Variants in PLG observed in about 807,000 individuals in gnomAD.
PLG encodes the protein plasmin.
In PLG, 41 loss-of-function variants were observed where a neutral mutation model predicts 104.4. That is an observed-to-expected ratio of 0.39 (90% CI 0.31 to 0.51). PLG has a LOEUF of 0.51. Among genes scored for constraint, PLG ranks in the 20% least tolerant of loss-of-function variants. The pLI is 0.76. For missense variants in PLG, 891 were observed against 1,003.6 expected (o/e 0.89, Z 1.52); for synonymous variants, 337 against 357.1 (o/e 0.94, Z 0.63).
At chr6:160,711,435 A>T in intron 4 of PLG, 4 of 790,880 alleles carry the variant, frequency 5.1e-6, no homozygotes, top group Non-Finnish European at 8.0e-6. Context: ...TTTTATTGTC[A>T]TATTGTTATT....
In PLG at chr6:160,724,717, G is replaced by A. The variant is rs1469967635; in HGVS notation, c.1256+2150G>A. On this transcript the variant is annotated intron_variant, in intron 10 of 18. Transcript: ENST00000308192. The surrounding 1 kb of genome is among the most constrained non-coding windows in gnomAD (Gnocchi z 5.0). The stretch of plus-strand genomic sequence containing the variant: ...GAAAAAAATAAAAAAGATTAACATA[G>A]AATGTTATATCCAGCAAAAATATCC... Among the ~76,000 whole-genome samples the A allele has an allele frequency of 7.9e-5, 12 of 152,014 alleles. No individual in the cohort carries two copies. The highest frequency in any genetic ancestry group is 1.8e-4 in the Non-Finnish European group (12 of 67,982).
Position 160,713,115 on chromosome 6 carries a change from T to G in PLG, c.537T>G (p.Leu179=). ...PEKRYDYCDI[L]ECEEECMHCS... ...AGAGATATGACTACTGCGACATTCT[T>G]GAGTGTGAAGGTCAGGAGTGGTTCT... Residue 179 remains leucine (L), a synonymous_variant, in exon 5 of 19, where the codon CTT becomes CTG. Coordinates refer to ENST00000308192, the MANE Select transcript of PLG (RefSeq NM_000301.5). The G allele has an allele frequency of 6.2e-7, 1 of 1,610,600 alleles. No individual in the cohort carries two copies. Among genetic ancestry groups the G allele is most frequent in the Non-Finnish European group, 8.5e-7 (1 of 1,178,572 alleles).
At chr6:160,713,360 T>C in intron 5 of PLG, 1 of 455,988 alleles carries the variant, frequency 2.2e-6, no homozygotes, top group Non-Finnish European at 4.1e-6. Context: ...AACCTCCGCC[T>C]CCGGGTTCAA....
At chr6:160,733,129 G>T (rs1778025561) in intron 12 of PLG, among the ~76,000 whole-genome samples, 1 of 152,164 alleles carries the variant, frequency 6.6e-6, no homozygotes, top group Admixed American at 6.5e-5. Flanking sequence ...AGGGATTTAG[G>T]AGCTCCGTGT....
At chr6:160,707,544 C>T (rs1292709994) in intron 2 of PLG, among the ~76,000 whole-genome samples, 156 bp from the exon 3 acceptor site, 4 of 152,158 alleles carry the variant, frequency 2.6e-5, no homozygotes, top group East Asian at 1.9e-4. Flanking sequence ...AGTACTTCAT[C>T]GATGCCATGC....
chr6:160,728,325 G>C (rs1052287894), intron 10 of PLG, among the ~76,000 whole-genome samples: 3 of 152,202 alleles, frequency 2.0e-5, no homozygotes, highest in Non-Finnish European at 4.4e-5. Flanking sequence ...GATATATCAC[G>C]CTTATATATT....
At position 160,739,024 on chromosome 6, in the gene PLG, G is replaced by A; in HGVS notation, c.1878-44G>A. 4 of 1,612,676 alleles carry A rather than the reference G, an allele frequency of 2.5e-6. No individual in the cohort carries two copies. The highest frequency in any genetic ancestry group is 3.4e-6 in the Non-Finnish European group (4 of 1,178,860). On this transcript the variant is annotated intron_variant, in intron 15 of 18. Transcript: ENST00000308192. The surrounding 1 kb of genome is among the most constrained non-coding windows in gnomAD (Gnocchi z 4.4). ...TTTCATGGCACAGAGGTTACCTGAA[G>A]GGGCTGGACCATATTTTCCTCTTGA... is the stretch of plus-strand genomic sequence containing the variant.
chr6:160,753,505 T>G lies in PLG; in HGVS notation c.*444T>G, dbSNP rs1188063034. 6.6e-6 allele frequency among the ~76,000 whole-genome samples: 1 copy of G among 152,206 alleles called. No individual in the cohort carries two copies. The highest frequency in any genetic ancestry group is 2.4e-5 in the African/African-American group (1 of 41,452). ...GCTTGACATGCATTTTTACTGTCTTTATTCCTGACACTGAGATGAATGTTT... is the reference window on the plus strand; with the variant it reads ...GCTTGACATGCATTTTTACTGTCTTGATTCCTGACACTGAGATGAATGTTT... On this transcript the variant is annotated 3_prime_UTR_variant, in exon 19 of 19. Transcript: ENST00000308192. This position sits in a 1 kb window ranked among gnomAD's most constrained non-coding sequence, Gnocchi z 5.4.
chr6:160,721,076 A>G (rs772445845), intron 9 of PLG, among the ~76,000 whole-genome samples: 6 of 151,928 alleles, frequency 3.9e-5, no homozygotes, highest in Non-Finnish European at 5.9e-5. Context: ...TCTTTTCTAT[A>G]GTTTCCATCT....
chr6:160,711,606 G>A (rs752079695), intron 4 of PLG: 23 of 1,609,580 alleles, frequency 1.4e-5, no homozygotes, highest in Admixed American at 1.0e-4. Flanking sequence ...TTTTGATGTC[G>A]ATGTTCAACT....
At chr6:160,717,762 C>T (rs1344956947) in intron 7 of PLG, among the ~76,000 whole-genome samples, 2 of 152,170 alleles carry the variant, frequency 1.3e-5, no homozygotes, top group African/African-American at 4.8e-5. Flanking sequence ...AGCACCTACC[C>T]AAGGGTCTTT....
At chr6:160,714,726 C>A in intron 5 of PLG, 68 bp from the exon 6 acceptor site, 1 of 1,530,952 alleles carries the variant, frequency 6.5e-7, no homozygotes, top group Non-Finnish European at 9.0e-7. Context: ...CTGGTTTTTA[C>A]TCTCTATTTT....
At chr6:160,721,099 TCTAC>T (rs2115165957) in intron 9 of PLG, among the ~76,000 whole-genome samples, 1 of 152,346 alleles carries the variant, frequency 6.6e-6, no homozygotes, top group African/African-American at 2.4e-5. Flanking sequence ...GCTGAAATTC[TCTAC>T]CTATCTATGC....
intron 4 of PLG, chr6:160,711,930 G>T (rs188800186): frequency 1.7e-4 from 220 of 1,310,358 alleles, no homozygotes; most frequent in Non-Finnish European, 2.1e-4. Flanking sequence ...GCATTTTTTT[G>T]TACTTTTCCC....
chr6:160,727,846 T>C (rs1366238293), intron 10 of PLG, among the ~76,000 whole-genome samples: 1 of 151,962 alleles, frequency 6.6e-6, no homozygotes, highest in Non-Finnish European at 1.5e-5. Flanking sequence ...AGATTAATGT[T>C]TTCTCTCTAA....
At chr6:160,733,859 A>AAAAAC (rs1778042815) in intron 12 of PLG, 136 bp from the exon 13 acceptor site, 1 of 504,120 alleles carries the variant, frequency 2.0e-6, no homozygotes, top group Non-Finnish European at 3.7e-6. Flanking sequence ...AAAAAAAAAA[A>AAAAAC]AAAAAAAAAG....
chr6:160,726,761 T>C lies in PLG; in HGVS notation c.1256+4194T>C, dbSNP rs898579221. On this transcript the variant is annotated intron_variant, in intron 10 of 18. Transcript: ENST00000308192. This position sits in a 1 kb window ranked among gnomAD's most constrained non-coding sequence, Gnocchi z 4.4. ...CAGTTTTGGATGCAATAAATATTCA[T>C]AGTATATATTACAAAATGAAAGCTC... 1.1e-4 allele frequency among the ~76,000 whole-genome samples: 16 copies of C among 152,146 alleles called. No individual in the cohort carries two copies. The highest frequency in any genetic ancestry group is 3.8e-4 in the African/African-American group (16 of 41,568).
chr6:160,749,874 A>T (rs1054548309), intron 17 of PLG, among the ~76,000 whole-genome samples: 5 of 139,424 alleles, frequency 3.6e-5, no homozygotes, highest in Admixed American at 3.5e-4. Flanking sequence ...CCTTATCACA[A>T]CCCTCATCAT....
At position 160,737,948 on chromosome 6, in the gene PLG, C is replaced by T. The variant is rs148471112; in HGVS notation, c.1803-590C>T. On this transcript the variant is annotated intron_variant, in intron 14 of 18. Transcript: ENST00000308192. This position sits in a 1 kb window ranked among gnomAD's most constrained non-coding sequence, Gnocchi z 4.7. ...ATCAACATGCTACCATCATGCACTT[C>T]CTATCTCTATTCCTCTTCTTTAAAT... is the stretch of plus-strand genomic sequence containing the variant. Among the ~76,000 whole-genome samples the T allele has an allele frequency of 1.0e-4, 15 of 148,038 alleles. No homozygotes were observed. The East Asian group carries it at 2.9e-3, about 29-fold the overall frequency.
Sources: allele counts gnomAD v4.1 joint callset (sites outside exome capture counted in the v4.1 genomes callset), GRCh38; gene constraint gnomAD v4.1.1; non-coding constraint Gnocchi (gnomAD v3.1); transcripts MANE v1.5; gene names NCBI Gene and HGNC (gene_info 2026-07-23, HGNC 2026-07-21).